PCNT: variants seen among roughly 807,000 people sequenced by gnomAD.
PCNT encodes the protein kendrin.
PCNT carries 319 observed loss-of-function variants against 380.4 expected under a neutral mutation model. The ratio of observed to expected loss-of-function variants is 0.84; its 90% CI spans 0.77 to 0.92. The LOEUF (loss-of-function observed/expected upper bound fraction) is 0.92. PCNT is among the 40% of genes least tolerant of loss of function. The pLI is 0.00. For missense variants in PCNT, 4,400 were observed against 4,255.3 expected (o/e 1.03, Z -0.95); for synonymous variants, 1,845 against 1,735.2 (o/e 1.06, Z -1.57).
In PCNT at chr21:46,412,852, G is replaced by A. The variant is rs780940995; in HGVS notation, c.6010G>A (p.Val2004Ile). The A allele has an allele frequency of 1.9e-6, 3 of 1,612,030 alleles. No homozygotes were observed. The highest frequency in any genetic ancestry group is 2.2e-5 in the East Asian group (1 of 44,900). Residue 2004 changes from valine to isoleucine, a missense_variant, in exon 29 of 47, where the codon GTC becomes ATC. Transcript: ENST00000359568. ...VPDPQGDLQP[V>I]LVTLKDAPLC... is the part of the protein sequence containing the mutation. ...CTCTGTCAAGGGTGATCTGCAGCCT[G>A]TCCTGGTGACGTTGAAGGATGCACC...
chr21:46,415,822 T>G (rs2087005367), intron 29 of PCNT, among the ~76,000 whole-genome samples: 1 of 152,230 alleles, frequency 6.6e-6, no homozygotes, highest in African/African-American at 2.4e-5. Flanking sequence ...CCCATCCTTT[T>G]TCCCTTGTAT....
intron 31 of PCNT, chr21:46,421,178 C>T (rs2087233261): frequency 6.6e-6 from 1 of 152,420 alleles, no homozygotes; most frequent in Admixed American, 6.5e-5. Flanking sequence ...CTACTCCTCC[C>T]CAGTGTGCCC....
Position 46,397,334 on chromosome 21 carries a change from G to A in PCNT, c.4286G>A (p.Arg1429His), listed in dbSNP as rs1032418386. 10 of 1,613,980 alleles carry A rather than the reference G, an allele frequency of 6.2e-6. No individual in the cohort carries two copies. Among genetic ancestry groups the A allele is most frequent in the East Asian group, 2.2e-5 (1 of 44,864 alleles). The change falls in exon 22 of 47, where the codon CGC (arginine) becomes CAC (histidine). Residue 1429 changes from arginine (R) to histidine (H), a missense_variant. Coordinates refer to ENST00000359568, the MANE Select transcript of PCNT (RefSeq NM_006031.6). ...SETRKQAEKD[R>H]SALLSQMKIL... ...ACCAGGAAGCAGGCTGAGAAGGACC[G>A]CTCAGCCCTGCTCTCCCAGATGAAG...
At chr21:46,334,117 A>G (rs1157816579) in intron 2 of PCNT, among the ~76,000 whole-genome samples, 2 of 151,822 alleles carry the variant, frequency 1.3e-5, no homozygotes, top group Non-Finnish European at 2.9e-5. Flanking sequence ...AGGCAGGGGA[A>G]TGGCGTGAAC....
At chr21:46,354,246 G>A (rs1002323991) in intron 11 of PCNT, among the ~76,000 whole-genome samples, 178 bp downstream of exon 11, 12 of 152,140 alleles carry the variant, frequency 7.9e-5, no homozygotes, top group African/African-American at 2.7e-4. Flanking sequence ...ACCATGCACT[G>A]TTTGATCAGG....
intron 1 of PCNT, among the ~76,000 whole-genome samples, chr21:46,326,015 G>A (rs546406724): frequency 1.1e-4 from 17 of 152,200 alleles, no homozygotes; most frequent in Non-Finnish European, 2.4e-4. Flanking sequence ...AGAAGGGAGA[G>A]ATTTAGCTTT....
chr21:46,372,515 G>A (rs572746613), intron 15 of PCNT, among the ~76,000 whole-genome samples: 6 of 152,302 alleles, frequency 3.9e-5, no homozygotes, highest in Admixed American at 3.9e-4. Flanking sequence ...GCCTTTCTGT[G>A]GGGGGAGGGT....
At chr21:46,395,755 GA>G (rs2086188210) in intron 21 of PCNT, among the ~76,000 whole-genome samples, 1 of 151,400 alleles carries the variant, frequency 6.6e-6, no homozygotes, top group Non-Finnish European at 1.5e-5. Context: ...CTCCATCTCA[GA>G]AATAATAGTA....
chr21:46,401,796 T>C (rs894642549), intron 26 of PCNT, 75 bp downstream of exon 26: 8 of 1,404,626 alleles, frequency 5.7e-6, no homozygotes, highest in South Asian at 1.2e-5. Flanking sequence ...GCAGATCCGA[T>C]GTCCAGATAA....
intron 29 of PCNT, among the ~76,000 whole-genome samples, chr21:46,415,120 A>C (rs1368415161): frequency 6.6e-6 from 1 of 152,230 alleles, no homozygotes. Flanking sequence ...TTCTTGCATG[A>C]GTGCAGGTGC....
At chr21:46,374,590 C>G (rs940953975) in intron 15 of PCNT, among the ~76,000 whole-genome samples, 1 of 152,208 alleles carries the variant, frequency 6.6e-6, no homozygotes, top group African/African-American at 2.4e-5. Flanking sequence ...TGGCTCACGC[C>G]TGTAATCCCA....
Position 46,440,934 on chromosome 21 carries a change from T to C in PCNT, c.9473T>C (p.Leu3158Pro). Residue 3158 changes from leucine to proline, a missense_variant, in exon 43 of 47, where the codon CTG (leucine) becomes CCG (proline). Coordinates refer to ENST00000359568, the MANE Select transcript of PCNT (RefSeq NM_006031.6). ...ATTTATCAAAAGAAGTATCTTTTGC[T>C]GTTGATTGGTGGATTCCAGGATTCT... ...ALIYQKKYLL[L>P]LIGGFQDSEQ... 1 of 1,613,602 alleles carries C rather than the reference T, an allele frequency of 6.2e-7. No individual in the cohort carries two copies. Among genetic ancestry groups the C allele is most frequent in the Non-Finnish European group, 8.5e-7 (1 of 1,179,440 alleles).
In PCNT at chr21:46,397,332, C is replaced by A; in HGVS notation, c.4284C>A (p.Asp1428Glu). The A allele has an allele frequency of 6.2e-7, 1 of 1,614,076 alleles. No homozygotes were observed. The highest frequency in any genetic ancestry group is 1.1e-5 in the South Asian group (1 of 91,072). ...QSETRKQAEK[D>E]RSALLSQMKI... ...AGACCAGGAAGCAGGCTGAGAAGGACCGCTCAGCCCTGCTCTCCCAGATGA... is the reference window on the plus strand; with the variant it reads ...AGACCAGGAAGCAGGCTGAGAAGGAACGCTCAGCCCTGCTCTCCCAGATGA... The change falls in exon 22 of 47, where the codon GAC becomes GAA. Residue 1428 changes from aspartate to glutamate, a missense_variant. Physicochemically the swap from Asp to Glu is conservative, Grantham distance 45 (BLOSUM62 2). Coordinates refer to ENST00000359568, the MANE Select transcript of PCNT (RefSeq NM_006031.6).
Position 46,401,455 on chromosome 21 carries a change from G to A in PCNT, c.4792-96G>A, listed in dbSNP as rs561385671. On this transcript the variant is annotated intron_variant, in intron 25 of 46. Transcript: ENST00000359568. ...GTGCAGGTCCACCTGCTCTGCTTCA[G>A]GTGCAGCTAAAGATGGTCTGTGCTT... is the stretch of plus-strand genomic sequence containing the variant. 4.0e-5 allele frequency: 40 copies of A among 1,007,344 alleles called. 2 individuals carry two copies. The South Asian group carries it at 5.0e-4, about 13-fold the overall frequency. The allele number at this position is 1,007,344 out of a possible 1,614,324, so 62.4% of individuals were successfully genotyped here. A position where few individuals can be genotyped will look rare whatever the true frequency, so the allele number is the denominator to read the frequency against.
chr21:46,412,689 A>T, intron 28 of PCNT, 148 bp from the exon 29 acceptor site: 2 of 865,476 alleles, frequency 2.3e-6, no homozygotes, highest in Admixed American at 3.5e-5. Flanking sequence ...CCTGCTGTGG[A>T]CCAAGGTGCT....
At chr21:46,432,729 A>G (rs956838739) in intron 38 of PCNT, among the ~76,000 whole-genome samples, 7 of 151,806 alleles carry the variant, frequency 4.6e-5, no homozygotes, top group Non-Finnish European at 7.4e-5. Context: ...GGTTCAAGCA[A>G]TTCTTCTGCC....
chr21:46,431,730 G>C lies in PCNT; in HGVS notation c.8266G>C (p.Glu2756Gln). ...TGCGGCTGAGAAGAGCCGCACCCTG[G>C]AGCTGTCAGAGGCCTTGCGGCACGA... ...DLAAEKSRTL[E>Q]LSEALRHERL... Residue 2756 changes from glutamate to glutamine, a missense_variant, in exon 38 of 47, where the codon GAG becomes CAG. Physicochemically the swap from Glu to Gln is conservative, Grantham distance 29 (BLOSUM62 2). Coordinates refer to ENST00000359568, the MANE Select transcript of PCNT (RefSeq NM_006031.6). 1 of 1,612,354 alleles carries C rather than the reference G, an allele frequency of 6.2e-7. No homozygotes were observed. Among genetic ancestry groups the C allele is most frequent in the Non-Finnish European group, 8.5e-7 (1 of 1,179,822 alleles).
In PCNT at chr21:46,432,166, C is replaced by T. The variant is rs150615481; in HGVS notation, c.8702C>T (p.Pro2901Leu). ...AGGAGCGCGGAGGCCAGGCAGAGCC[C>T]AGCGGCTGCGGAGCAGTGGAGGAAG... ...ARRSAEARQS[P>L]AAAEQWRKWQ... Residue 2901 changes from proline to leucine, a missense_variant, in exon 38 of 47, where the codon CCA becomes CTA. Physicochemically the swap from Pro to Leu is moderately conservative, Grantham distance 98. Transcript: ENST00000359568. 4.4e-4 allele frequency: 716 copies of T among 1,613,386 alleles called. No individual in the cohort carries two copies. The highest frequency in any genetic ancestry group is 5.4e-4 in the Non-Finnish European group (641 of 1,179,912).
intron 13 of PCNT, 74 bp downstream of exon 13, chr21:46,357,265 T>G (rs2084513257): frequency 1.8e-6 from 2 of 1,084,488 alleles, no homozygotes; most frequent in Non-Finnish European, 2.9e-6. Flanking sequence ...GCTTGTGTCC[T>G]TGTGTATGGA....
Sources: allele counts gnomAD v4.1 joint callset (sites outside exome capture counted in the v4.1 genomes callset), GRCh38; gene constraint gnomAD v4.1.1; transcripts MANE v1.5; gene names NCBI Gene and HGNC (gene_info 2026-07-23, HGNC 2026-07-21).